ZNF536: variants seen among roughly 807,000 people sequenced by gnomAD.
ZNF536 encodes the protein zinc finger protein 536.
ZNF536 carries 13 observed loss-of-function variants against 84.5 expected under a neutral mutation model. That is an observed-to-expected ratio of 0.15 (90% confidence interval 0.10 to 0.24). The LOEUF (loss-of-function observed/expected upper bound fraction) is 0.24, where lower values mean the gene tolerates loss of function less well. ZNF536 is among the 10% of genes least tolerant of loss of function. The pLI, the probability that ZNF536 is intolerant of heterozygous loss-of-function variation, is 1.00. For synonymous variants in ZNF536, 811 were observed against 742.5 expected, an observed-to-expected ratio of 1.09 and a Z score of -1.50; for missense variants, 1,536 against 1,747.5, an observed-to-expected ratio of 0.88 and a Z score of 2.16.
chr19:30,322,940 T>G (rs1396976745), intron 2 of ZNF536, among the ~76,000 whole-genome samples: 1 of 152,156 alleles, frequency 6.6e-6, no homozygotes, highest in Admixed American at 6.5e-5. Flanking sequence ...GCATGATAGT[T>G]CCTTAGGGGA....
intron 1 of ZNF536, among the ~76,000 whole-genome samples, chr19:30,661,817 G>A (rs1295145350): frequency 1.3e-5 from 2 of 151,020 alleles, no homozygotes; most frequent in African/African-American, 4.8e-5. Context: ...TTTAGTGAAA[G>A]GCTGTATTTG....
At chr19:30,247,606 A>G (rs1370490962) in intron 1 of ZNF536, among the ~76,000 whole-genome samples, 2 of 152,108 alleles carry the variant, frequency 1.3e-5, no homozygotes, top group African/African-American at 4.8e-5. Flanking sequence ...GATTGAGCCT[A>G]GGAGTGGAGC....
At chr19:30,261,466 G>C (rs1165530412) in intron 1 of ZNF536, among the ~76,000 whole-genome samples, 1 of 150,392 alleles carries the variant, frequency 6.6e-6, no homozygotes, top group Non-Finnish European at 1.5e-5. Context: ...TTGGGAGGCT[G>C]AGGTCAGAGG....
intron 1 of ZNF536, among the ~76,000 whole-genome samples, chr19:30,584,420 T>A (rs2047027148): frequency 6.6e-6 from 1 of 152,342 alleles, no homozygotes; most frequent in East Asian, 1.9e-4. Context: ...GTGGAAAGTG[T>A]GGCTCCCCCG....
intron 2 of ZNF536, among the ~76,000 whole-genome samples, chr19:30,464,235 G>A (rs868662022): frequency 2.4e-4 from 36 of 152,146 alleles, no homozygotes; most frequent in Admixed American, 2.0e-4. Flanking sequence ...AGGGGTGCAG[G>A]CCTGGGGCGA....
chr19:30,228,691 G>T lies in ZNF536; in HGVS notation c.-190+18G>T, dbSNP rs2022768609. On this transcript the variant is annotated intron_variant, in intron 1 of 5. Coordinates refer to the ZNF536 transcript ENST00000585628. The surrounding 1 kb of genome is among the most constrained non-coding windows in gnomAD (Gnocchi z 4.5). ...AGTGCCAAGTAAGTGCCCTGCGGTG[G>T]CCTCGGCGCGCCCCGGGGTGAGCGC... is the stretch of plus-strand genomic sequence containing the variant. 2 of 151,606 alleles carry T rather than the reference G, an allele frequency of 1.3e-5. No individual in the cohort carries two copies. Among genetic ancestry groups the T allele is most frequent in the South Asian group, 4.1e-4 (2 of 4,824 alleles). The allele number at this position is 151,606 out of a possible 1,614,324, so 9.4% of individuals were successfully genotyped here. A position where few individuals can be genotyped will look rare whatever the true frequency, so the allele number is the denominator to read the frequency against.
intron 2 of ZNF536, among the ~76,000 whole-genome samples, chr19:30,340,095 G>GCT (rs1375457389): frequency 6.6e-6 from 1 of 152,166 alleles, no homozygotes; most frequent in Admixed American, 6.5e-5. Flanking sequence ...AGGAGTGTCT[G>GCT]CTGTCTAAGG....
chr19:30,462,303 A>AGT (rs772183721), intron 2 of ZNF536, among the ~76,000 whole-genome samples: 1,951 of 109,556 alleles, frequency 0.018, 15 homozygotes, highest in Middle Eastern at 0.041. Context: ...TGTGTGTGTG[A>AGT]GTGTGTGTGT....
intron 1 of ZNF536, among the ~76,000 whole-genome samples, chr19:30,432,878 A>G (rs565343329): frequency 2.2e-4 from 33 of 152,220 alleles, no homozygotes; most frequent in Non-Finnish European, 4.1e-4. Context: ...TGTGGGGCTG[A>G]CTGGATAGTC....
intron 1 of ZNF536, among the ~76,000 whole-genome samples, chr19:30,707,827 T>C (rs1274732503): frequency 6.6e-6 from 1 of 151,828 alleles, no homozygotes; most frequent in Admixed American, 6.6e-5. Flanking sequence ...CTGGCCAACA[T>C]GGAGAAACCC....
At chr19:30,305,399 G>T (rs749215078) in intron 2 of ZNF536, among the ~76,000 whole-genome samples, 2 of 152,186 alleles carry the variant, frequency 1.3e-5, no homozygotes, top group African/African-American at 2.4e-5. Context: ...CTGTGTATGG[G>T]GAGGGGTGGA....
At chr19:30,491,108 A>C (rs148156243) in intron 2 of ZNF536, among the ~76,000 whole-genome samples, 1 of 152,130 alleles carries the variant, frequency 6.6e-6, no homozygotes, top group Non-Finnish European at 1.5e-5. Context: ...GTCGCTAGAG[A>C]CAATGTTGCC....
chr19:30,550,660 A>G (rs1410747162), intron 4 of ZNF536, among the ~76,000 whole-genome samples: 1 of 152,114 alleles, frequency 6.6e-6, no homozygotes, highest in Non-Finnish European at 1.5e-5. Flanking sequence ...GAAATAGAAG[A>G]GAGTATTTTT....
intron 1 of ZNF536, among the ~76,000 whole-genome samples, chr19:30,375,411 G>T (rs1431858639): frequency 6.6e-6 from 1 of 152,078 alleles, no homozygotes; most frequent in Non-Finnish European, 1.5e-5. Flanking sequence ...GGGGCTCCCC[G>T]CTACCTGCGC....
intron 1 of ZNF536, among the ~76,000 whole-genome samples, chr19:30,612,958 C>T (rs964418208): frequency 1.3e-5 from 2 of 152,182 alleles, no homozygotes; most frequent in Admixed American, 6.5e-5. Flanking sequence ...GCGGTTTCTT[C>T]GTCTCTGTCT....
intron 2 of ZNF536, among the ~76,000 whole-genome samples, chr19:30,348,794 ATTTTCTTTTTTTTTC>A (rs140724648): frequency 0.12 from 16,892 of 146,094 alleles, 1,024 homozygotes; most frequent in Admixed American, 0.2. Flanking sequence ...GTTTCCATCC[ATTTTCTTTTTTTTTC>A]TTTTCTTTTT....
chr19:30,230,971 CTTT>C (rs58301646), intron 1 of ZNF536, among the ~76,000 whole-genome samples: 21,433 of 145,360 alleles, frequency 0.15, 1,529 homozygotes, highest in Middle Eastern at 0.22. Context: ...TATAGATGAA[CTTT>C]TTTTTTTTTT....
At chr19:30,410,423 T>A (rs1416668623) in intron 1 of ZNF536, among the ~76,000 whole-genome samples, 1 of 149,878 alleles carries the variant, frequency 6.7e-6, no homozygotes, top group East Asian at 2.0e-4. Context: ...AAAATAACTT[T>A]AAAAAATTAT....
intron 2 of ZNF536, among the ~76,000 whole-genome samples, chr19:30,518,219 C>T (rs1382338127): frequency 6.6e-6 from 1 of 152,208 alleles, no homozygotes; most frequent in Non-Finnish European, 1.5e-5. Flanking sequence ...GGGGCAGCAG[C>T]AACCTGGCAG....
Sources: gnomAD v4.1 joint callset for allele counts (sites outside exome capture counted in the v4.1 genomes callset) on GRCh38, gnomAD v4.1.1 for gene constraint, Gnocchi (gnomAD v3.1) non-coding constraint, MANE v1.5 for transcripts, NCBI Gene and HGNC (gene_info 2026-07-23, HGNC 2026-07-21) for gene names.